Variants in WNT2B observed in about 807,000 individuals in gnomAD.
The protein encoded by WNT2B is protein Wnt-2b.
A neutral mutation model predicts 40.5 loss-of-function variants in WNT2B; 19 were observed. That is an observed-to-expected ratio of 0.47 (90% CI 0.33 to 0.69). The LOEUF (loss-of-function observed/expected upper bound fraction) is 0.69. WNT2B is among the 30% of genes least tolerant of loss of function. WNT2B has a pLI of 0.02. For missense variants in WNT2B, 467 were observed against 556.4 expected, an observed-to-expected ratio of 0.84 and a Z score of 1.62; for synonymous variants, 220 against 211.9, an observed-to-expected ratio of 1.04 and a Z score of -0.33.
upstream of WNT2B, among the ~76,000 whole-genome samples, chr1:112,508,109 C>T (rs1652181427): frequency 6.6e-6 from 1 of 152,018 alleles, no homozygotes; most frequent in Admixed American, 6.5e-5. This position sits in a 1 kb window ranked among gnomAD's most constrained non-coding sequence, Gnocchi z 4.2. Flanking sequence ...CCAGGGCTTC[C>T]ACTCTCTCGG....
intron 1 of WNT2B, among the ~76,000 whole-genome samples, chr1:112,513,773 T>G (rs1231865945): frequency 1.3e-5 from 2 of 152,182 alleles, no homozygotes; most frequent in Admixed American, 1.3e-4. Flanking sequence ...TGATGCGTTC[T>G]GGACAGGAGA....
chr1:112,519,872 C>CTTCTTTTTTTTT lies in WNT2B; in HGVS notation c.947-406_947-405insCTTTTTTTTTTT, dbSNP rs10634267. Among the ~76,000 whole-genome samples, 55 of 115,624 alleles carry CTTCTTTTTTTTT rather than the reference C, an allele frequency of 4.8e-4. 2 individuals carry two copies. The highest frequency in any genetic ancestry group is 1.1e-3 in the East Asian group (4 of 3,794). 75.9% of individuals were successfully genotyped at this position (115,624 alleles called of 152,430 possible). On this transcript the variant is annotated intron_variant, in intron 4 of 4. Transcript: ENST00000369684. ...CAAGATGATGTCAGAGCCCATGCTT[C>CTTCTTTTTTTTT]TTTTTTTTTTTTTTTTTTTTGGAGA...
intron 1 of WNT2B, among the ~76,000 whole-genome samples, chr1:112,487,317 G>A (rs1651447866): frequency 6.6e-6 from 1 of 152,192 alleles, no homozygotes; most frequent in Non-Finnish European, 1.5e-5. Flanking sequence ...GAATAGAAAT[G>A]TGATTACAAA....
At chr1:112,486,152 C>CACACACACACACACACAT (rs1364972062) in intron 1 of WNT2B, among the ~76,000 whole-genome samples, 4 of 151,644 alleles carry the variant, frequency 2.6e-5, no homozygotes, top group African/African-American at 9.7e-5. Flanking sequence ...CACACACACA[C>CACACACACACACACACAT]ACACACCAGG....
chr1:112,475,854 A>T (rs1651041471), intron 1 of WNT2B, among the ~76,000 whole-genome samples: 1 of 152,192 alleles, frequency 6.6e-6, no homozygotes, highest in East Asian at 1.9e-4. Flanking sequence ...TAAACAACTC[A>T]ATTAAAGGCA....
At chr1:112,490,826 C>A (rs992249635) in intron 1 of WNT2B, among the ~76,000 whole-genome samples, 1 of 152,256 alleles carries the variant, frequency 6.6e-6, no homozygotes, top group East Asian at 1.9e-4. Context: ...CTAAAATGCC[C>A]ATTTTTGTAT....
At chr1:112,518,533 G>A (rs556520443) in intron 4 of WNT2B, 92 of 152,222 alleles carry the variant, frequency 6.0e-4, no homozygotes, top group African/African-American at 2.1e-3. Flanking sequence ...AAAAAACTTG[G>A]AGCCCTTCTG....
intron 1 of WNT2B, among the ~76,000 whole-genome samples, chr1:112,480,800 T>A (rs1651201378): frequency 6.6e-6 from 1 of 152,046 alleles, no homozygotes; most frequent in East Asian, 1.9e-4. Context: ...CTCAGGCCAA[T>A]ATACCTGATT....
At chr1:112,505,049 G>C (rs1652069265), upstream of WNT2B, among the ~76,000 whole-genome samples, 1 of 152,218 alleles carries the variant, frequency 6.6e-6, no homozygotes, top group Non-Finnish European at 1.5e-5. Context: ...TCCCACCAGA[G>C]AGCAGAGCAT....
chr1:112,489,564 A>C (rs1651533218), intron 1 of WNT2B, among the ~76,000 whole-genome samples: 1 of 152,202 alleles, frequency 6.6e-6, no homozygotes. Context: ...ACTCTGTCTC[A>C]AAAACAAACA....
intron 1 of WNT2B, among the ~76,000 whole-genome samples, chr1:112,493,933 T>G (rs1487162332): frequency 1.1e-5 from 1 of 94,442 alleles, no homozygotes; most frequent in Non-Finnish European, 2.3e-5. Flanking sequence ...CTGCAAAAAA[T>G]CTAAGACAAA....
upstream of WNT2B, chr1:112,508,744 G>A (rs1276804601): frequency 1.0e-6 from 1 of 986,180 alleles, no homozygotes; most frequent in East Asian, 1.1e-4. This position sits in a 1 kb window ranked among gnomAD's most constrained non-coding sequence, Gnocchi z 4.2. Context: ...TTGGGGCGCA[G>A]GAGGGAGCCG....
At chr1:112,517,512 C>T (rs984399528) in intron 4 of WNT2B, 127 bp downstream of exon 4, 2 of 1,207,188 alleles carry the variant, frequency 1.7e-6, no homozygotes, top group African/African-American at 1.5e-5. Context: ...AGTTTCCTCT[C>T]CACATGAACA....
At chr1:112,514,763 G>A in intron 1 of WNT2B, 111 bp from the exon 2 acceptor site, 1 of 974,840 alleles carries the variant, frequency 1.0e-6, no homozygotes, top group Admixed American at 1.9e-5. Flanking sequence ...GGGTTAGGGA[G>A]AGGGGACAGA....
chr1:112,475,667 G>T (rs1651033784), intron 1 of WNT2B, among the ~76,000 whole-genome samples: 1 of 151,792 alleles, frequency 6.6e-6, no homozygotes, highest in Non-Finnish European at 1.5e-5. Flanking sequence ...TACACAATGA[G>T]CCATAAAGCA....
intron 1 of WNT2B, among the ~76,000 whole-genome samples, chr1:112,469,904 G>A (rs1480938240): frequency 4.6e-5 from 7 of 152,108 alleles, no homozygotes; most frequent in East Asian, 1.9e-4. Flanking sequence ...GTGAGTCGCC[G>A]TACCCGGCCT....
At chr1:112,491,188 T>C in intron 1 of WNT2B, 3 of 1,092,846 alleles carry the variant, frequency 2.7e-6, no homozygotes. Context: ...GGCGGGTGGA[T>C]CACAAGGGCA....
At chr1:112,483,754 A>G (rs1651306840) in intron 1 of WNT2B, among the ~76,000 whole-genome samples, 1 of 150,294 alleles carries the variant, frequency 6.7e-6, no homozygotes, top group Non-Finnish European at 1.5e-5. Context: ...TTTAAAATAT[A>G]TAAGGAACTC....
chr1:112,505,449 G>C (rs1233887140), upstream of WNT2B, among the ~76,000 whole-genome samples: 1 of 152,232 alleles, frequency 6.6e-6, no homozygotes, highest in African/African-American at 2.4e-5. Flanking sequence ...ACTCCATGCA[G>C]GGTTCTACAG....
Sources: allele counts gnomAD v4.1 joint callset (sites outside exome capture counted in the v4.1 genomes callset), GRCh38; gene constraint gnomAD v4.1.1; non-coding constraint Gnocchi (gnomAD v3.1); transcripts MANE v1.5; gene names NCBI Gene and HGNC (gene_info 2026-07-23, HGNC 2026-07-21).